Variants in EEF2K observed in about 807,000 individuals in gnomAD.
EEF2K encodes the protein alternative protein EEF2K.
EEF2K carries 70 observed loss-of-function variants against 93.8 expected under a neutral mutation model. The observed-to-expected ratio is 0.75, with a 90% CI of 0.62 to 0.91. EEF2K has a LOEUF of 0.91. Among genes scored for constraint, EEF2K ranks in the 40% least tolerant of loss-of-function variants. EEF2K has a pLI of 0.00. For synonymous variants in EEF2K, 376 were observed against 380.8 expected (o/e 0.99, Z 0.15); for missense variants, 935 against 972.9 (o/e 0.96, Z 0.52).
chr16:22,236,366 C>T (rs1239782819), intron 2 of EEF2K, among the ~76,000 whole-genome samples: 3 of 151,096 alleles, frequency 2.0e-5, no homozygotes, highest in Non-Finnish European at 4.4e-5. Flanking sequence ...CCTCGACTTC[C>T]CAGGTTCAGG....
chr16:22,232,938 G>A (rs985899123), intron 2 of EEF2K, among the ~76,000 whole-genome samples: 1 of 151,772 alleles, frequency 6.6e-6, no homozygotes, highest in Non-Finnish European at 1.5e-5. Context: ...AAAATGGCCC[G>A]CTGGCCTCCC....
rs142626752 is a variant in EEF2K, at chr16:22,275,379, G to A, written c.1889+1629G>A. 1.9e-3 allele frequency among the ~76,000 whole-genome samples: 291 copies of A among 151,736 alleles called. 1 individual carries two copies. The highest frequency in any genetic ancestry group is 3.2e-3 in the Non-Finnish European group (217 of 67,966). On this transcript the variant is annotated intron_variant, in intron 16 of 17. Transcript: ENST00000263026. ...TATTTTTGAGATGGACTCTCACTCTGTCAAACAGGCTTGAATGCACTGGTG... is the reference window on the plus strand; with the variant it reads ...TATTTTTGAGATGGACTCTCACTCTATCAAACAGGCTTGAATGCACTGGTG...
intron 2 of EEF2K, among the ~76,000 whole-genome samples, chr16:22,239,537 G>A (rs1023764394): frequency 7.2e-5 from 11 of 152,162 alleles, no homozygotes; most frequent in African/African-American, 1.9e-4. Flanking sequence ...TGGGCTGGGC[G>A]TGGTGGCTCA....
chr16:22,268,675 G>A (rs543378428), intron 15 of EEF2K, among the ~76,000 whole-genome samples: 2 of 151,456 alleles, frequency 1.3e-5, no homozygotes, highest in South Asian at 2.1e-4. Flanking sequence ...AAAGCTTAAC[G>A]ATGGGTGCAG....
chr16:22,268,644 T>TTTTTTTAA (rs1555474111), intron 15 of EEF2K, among the ~76,000 whole-genome samples: 7 of 151,624 alleles, frequency 4.6e-5, no homozygotes, highest in African/African-American at 1.7e-4. Context: ...AGAAGTTTTT[T>TTTTTTTAA]TTTTTAATTT....
chr16:22,253,514 G>A (rs75482886), intron 6 of EEF2K, among the ~76,000 whole-genome samples: 7,001 of 152,130 alleles, frequency 0.046, 269 homozygotes, highest in Non-Finnish European at 0.074. Flanking sequence ...TGGGCTTGGC[G>A]GGCATCTTGT....
chr16:22,250,536 T>G, intron 4 of EEF2K, 118 bp from the exon 5 acceptor site: 69 of 1,215,538 alleles, frequency 5.7e-5, no homozygotes, highest in Non-Finnish European at 7.9e-5. Flanking sequence ...ATTTCAGGAT[T>G]GAGATGAGGC....
At chr16:22,264,263 G>C (rs1057260120) in intron 12 of EEF2K, among the ~76,000 whole-genome samples, 1 of 122,188 alleles carries the variant, frequency 8.2e-6, no homozygotes, top group Non-Finnish European at 1.6e-5. Flanking sequence ...CTGCACTCCA[G>C]CCTGGACCAC....
intron 6 of EEF2K, 33 bp downstream of exon 6, chr16:22,251,355 G>A: frequency 1.2e-6 from 2 of 1,610,404 alleles, no homozygotes; most frequent in Non-Finnish European, 1.7e-6. Context: ...CCCTTTCCAT[G>A]CCAGGGCAGC....
rs146520757 is a variant in EEF2K at position 22,270,946 on chromosome 16, A to G, written c.1765-2680A>G. ...TGTGTGTATATATGTGTGTGTGTGT[A>G]TATATATATACATATTTTGTTTTTC... is the stretch of plus-strand genomic sequence containing the variant. On this transcript the variant is annotated intron_variant, in intron 15 of 17. Transcript: ENST00000263026. Among the ~76,000 whole-genome samples the G allele has an allele frequency of 2.0e-3, 304 of 149,594 alleles. 1 individual carries two copies. Among genetic ancestry groups the G allele is most frequent in the African/African-American group, 7.1e-3 (289 of 40,598 alleles).
intron 2 of EEF2K, among the ~76,000 whole-genome samples, chr16:22,229,753 G>A (rs2047097822): frequency 6.6e-6 from 1 of 152,066 alleles, no homozygotes; most frequent in Admixed American, 6.6e-5. Context: ...ATAATAACTG[G>A]TGGGGGTAAA....
chr16:22,258,138 C>T (rs1241973980), intron 9 of EEF2K, among the ~76,000 whole-genome samples: 1 of 152,054 alleles, frequency 6.6e-6, no homozygotes, highest in East Asian at 1.9e-4. Flanking sequence ...CACCAACATA[C>T]CTCCCATCCT....
At chr16:22,249,268 T>A (rs2047325805) in intron 4 of EEF2K, among the ~76,000 whole-genome samples, 1 of 147,850 alleles carries the variant, frequency 6.8e-6, no homozygotes. Flanking sequence ...ACCACACCCG[T>A]CTCTACTAAA....
intron 2 of EEF2K, among the ~76,000 whole-genome samples, chr16:22,236,897 TTA>T (rs1240521789): frequency 6.6e-6 from 1 of 150,572 alleles, no homozygotes; most frequent in Non-Finnish European, 1.5e-5. Flanking sequence ...GTAGCCAGAA[TTA>T]TGTTTTCCTT....
At chr16:22,222,130 A>G (rs2142104263) in intron 1 of EEF2K, among the ~76,000 whole-genome samples, 1 of 152,250 alleles carries the variant, frequency 6.6e-6, no homozygotes, top group Admixed American at 6.5e-5. Flanking sequence ...GCTTATTTCG[A>G]GTGCTGTACA....
chr16:22,247,234 A>G (rs1490786195), intron 3 of EEF2K, among the ~76,000 whole-genome samples: 1 of 151,570 alleles, frequency 6.6e-6, no homozygotes, highest in Non-Finnish European at 1.5e-5. Flanking sequence ...TGAGGCCAGG[A>G]GTTCAAGATC....
intron 2 of EEF2K, among the ~76,000 whole-genome samples, chr16:22,244,075 A>C (rs370750725): frequency 6.6e-6 from 1 of 151,928 alleles, no homozygotes. Flanking sequence ...CAAAAAATGC[A>C]AAAAGTAGCA....
intron 6 of EEF2K, among the ~76,000 whole-genome samples, chr16:22,254,024 G>A (rs538725321): frequency 9.9e-5 from 15 of 152,130 alleles, no homozygotes; most frequent in African/African-American, 3.1e-4. Flanking sequence ...ACTTGAACAC[G>A]AGAGGCGGAG....
At chr16:22,222,723 AAAAT>A (rs1417037221) in intron 1 of EEF2K, among the ~76,000 whole-genome samples, 24 of 138,358 alleles carry the variant, frequency 1.7e-4, no homozygotes, top group African/African-American at 6.7e-4. Context: ...AAAAAAAAAA[AAAAT>A]ACAAAAATTA....
Sources: allele counts gnomAD v4.1 joint callset (sites outside exome capture counted in the v4.1 genomes callset), GRCh38; gene constraint gnomAD v4.1.1; transcripts MANE v1.5; gene names NCBI Gene and HGNC (gene_info 2026-07-23, HGNC 2026-07-21).